Variants in SNTG2 observed in about 807,000 individuals in gnomAD.
SNTG2 encodes syntrophin gamma 2.
A neutral mutation model predicts 70.9 loss-of-function variants in SNTG2; 74 were observed. That is an observed-to-expected ratio of 1.04 (90% CI 0.86 to 1.27). The LOEUF (loss-of-function observed/expected upper bound fraction) is 1.27. SNTG2 is among the 50% of genes most tolerant of loss of function. The pLI is 0.00. For missense variants in SNTG2, 717 were observed against 690.7 expected, an observed-to-expected ratio of 1.04 and a Z score of -0.43; for synonymous variants, 278 against 273.8, an observed-to-expected ratio of 1.02 and a Z score of -0.15.
chr2:1,162,749 A>T (rs1670408147), intron 6 of SNTG2, among the ~76,000 whole-genome samples: 1 of 151,898 alleles, frequency 6.6e-6, no homozygotes, highest in Non-Finnish European at 1.5e-5. Flanking sequence ...AAGAAAATTC[A>T]GCTTTGGTAG....
chr2:1,320,698 T>TAA (rs200662712), intron 16 of SNTG2, among the ~76,000 whole-genome samples: 4 of 151,100 alleles, frequency 2.6e-5, no homozygotes, highest in African/African-American at 9.7e-5. Flanking sequence ...TTTTTTCCTT[T>TAA]AAAAAAAAAG....
At chr2:1,148,630 C>T (rs1357400865) in intron 6 of SNTG2, among the ~76,000 whole-genome samples, 1 of 152,196 alleles carries the variant, frequency 6.6e-6, no homozygotes, top group African/African-American at 2.4e-5. Flanking sequence ...GCGGGATGCA[C>T]CTGTGGTTTG....
At chr2:1,064,580 C>T (rs970402768) in intron 1 of SNTG2, among the ~76,000 whole-genome samples, 2 of 152,072 alleles carry the variant, frequency 1.3e-5, no homozygotes, top group Admixed American at 1.3e-4. Flanking sequence ...AAGATTCTTA[C>T]ATCGTTCATG....
rs555730182 is a variant in SNTG2 at position 1,115,306 on chromosome 2, T to G, written c.325+16896T>G. On this transcript the variant is annotated intron_variant, in intron 4 of 16. Coordinates refer to ENST00000308624, the MANE Select transcript of SNTG2 (RefSeq NM_018968.4). ...AGGAGGATCGTGTGTACTAAGTGAG[T>G]TTTAACCCTTACAGTCCTTGGAGGA... Among the ~76,000 whole-genome samples, 1,687 of 113,326 alleles carry G rather than the reference T, an allele frequency of 0.015. No homozygotes were observed. In the Middle Eastern group the frequency reaches 0.15, roughly 10 times the overall value. The allele number at this position is 113,326 out of a possible 152,430, so 74.3% of individuals were successfully genotyped here.
chr2:1,265,360 G>A (rs918754472), intron 13 of SNTG2, among the ~76,000 whole-genome samples: 1 of 152,140 alleles, frequency 6.6e-6, no homozygotes, highest in Non-Finnish European at 1.5e-5. Context: ...ACACATTCAT[G>A]TTCACATACA....
chr2:1,137,740 C>A, intron 5 of SNTG2, 28 bp from the exon 6 acceptor site: 1 of 1,613,638 alleles, frequency 6.2e-7, no homozygotes, highest in Non-Finnish European at 8.5e-7. Context: ...TCGTTATTCT[C>A]AACATTCTTA....
At chr2:1,242,759 A>G (rs527445426) in intron 11 of SNTG2, 1 of 152,368 alleles carries the variant, frequency 6.6e-6, no homozygotes, top group African/African-American at 2.4e-5. Context: ...GACCAGCTGC[A>G]TGTTATCATC....
intron 16 of SNTG2, among the ~76,000 whole-genome samples, chr2:1,340,848 T>C (rs1660048630): frequency 6.6e-6 from 1 of 152,242 alleles, no homozygotes; most frequent in Non-Finnish European, 1.5e-5. Flanking sequence ...CAGTTTATTT[T>C]CTTCCTAATT....
intron 1 of SNTG2, among the ~76,000 whole-genome samples, chr2:1,062,196 AC>A (rs1349849586): frequency 2.0e-5 from 3 of 152,184 alleles, no homozygotes; most frequent in Non-Finnish European, 4.4e-5. Flanking sequence ...AAATGGCTCT[AC>A]AGTAACTCTG....
intron 4 of SNTG2, among the ~76,000 whole-genome samples, chr2:1,131,522 C>T (rs912300463): frequency 1.3e-5 from 2 of 152,184 alleles, no homozygotes; most frequent in African/African-American, 2.4e-5. Flanking sequence ...TGAGCACAAA[C>T]ATGGGACACA....
intron 1 of SNTG2, among the ~76,000 whole-genome samples, chr2:1,039,461 C>T (rs995440320): frequency 3.9e-5 from 6 of 152,124 alleles, no homozygotes; most frequent in African/African-American, 1.4e-4. Context: ...TTCAGCATTC[C>T]ATTTTTACAA....
intron 9 of SNTG2, chr2:1,220,068 T>G (rs1674649950): frequency 6.6e-6 from 1 of 152,224 alleles, no homozygotes; most frequent in South Asian, 2.1e-4. Flanking sequence ...AAGAATCCTG[T>G]GGTGAGTTTT....
intron 1 of SNTG2, among the ~76,000 whole-genome samples, chr2:1,053,126 AGGAG>A (rs946672131): frequency 6.6e-6 from 1 of 152,152 alleles, no homozygotes; most frequent in Non-Finnish European, 1.5e-5. Context: ...CCACGTAGGA[AGGAG>A]GGTGTTCTGC....
chr2:1,127,658 C>A (rs1167514826), intron 4 of SNTG2, among the ~76,000 whole-genome samples: 1 of 151,934 alleles, frequency 6.6e-6, no homozygotes, highest in African/African-American at 2.4e-5. Flanking sequence ...TTGTAGGGAT[C>A]TTCCATATCC....
chr2:1,112,538 A>G (rs147495335), intron 4 of SNTG2, among the ~76,000 whole-genome samples: 6,815 of 129,354 alleles, frequency 0.053, no homozygotes, highest in Admixed American at 0.075. Context: ...GTCCTTTCAG[A>G]AAGATCGTGT....
intron 1 of SNTG2, among the ~76,000 whole-genome samples, chr2:953,954 A>C (rs1019736897): frequency 2.6e-5 from 4 of 151,510 alleles, no homozygotes; most frequent in Admixed American, 2.6e-4. Context: ...GTGAGTTGGC[A>C]GAGGGGCTGG....
At chr2:1,110,650 G>T (rs1435069877) in intron 4 of SNTG2, among the ~76,000 whole-genome samples, 1 of 152,182 alleles carries the variant, frequency 6.6e-6, no homozygotes, top group East Asian at 1.9e-4. Context: ...ATCCTTCACA[G>T]CACTGCCTCT....
intron 9 of SNTG2, among the ~76,000 whole-genome samples, chr2:1,236,853 A>T (rs1320704734): frequency 6.6e-6 from 1 of 152,152 alleles, no homozygotes; most frequent in Non-Finnish European, 1.5e-5. Flanking sequence ...TTAAAAAAAT[A>T]TGTTTGCTTT....
At chr2:1,021,936 C>CTTTTTTTTTTT (rs71392556) in intron 1 of SNTG2, among the ~76,000 whole-genome samples, 4 of 121,142 alleles carry the variant, frequency 3.3e-5, no homozygotes, top group Admixed American at 9.1e-5. Flanking sequence ...GTTTTATGTG[C>CTTTTTTTTTTT]TTTTTTTTTT....
Sources: gnomAD v4.1 joint callset for allele counts (sites outside exome capture counted in the v4.1 genomes callset) on GRCh38, gnomAD v4.1.1 for gene constraint, MANE v1.5 for transcripts, NCBI Gene and HGNC (gene_info 2026-07-23, HGNC 2026-07-21) for gene names.